The following PKHD1 variants were observed in gnomAD, a reference collection of about 807,000 sequenced individuals.
PKHD1 encodes PKHD1 ciliary IPT domain containing fibrocystin/polyductin.
Under a neutral mutation model 412.0 loss-of-function variants are expected in PKHD1, and 291 were observed. The ratio of observed to expected loss-of-function variants is 0.71; its 90% CI spans 0.64 to 0.78. PKHD1 has a LOEUF of 0.78. PKHD1 is among the 30% of genes least tolerant of loss of function. The pLI, the probability that PKHD1 is intolerant of heterozygous loss-of-function variation, is 0.00. For missense variants in PKHD1, 4,825 were observed against 4,950.7 expected (o/e 0.97, Z 0.76); for synonymous variants, 1,777 against 1,821.5 (o/e 0.98, Z 0.62).
At chr6:51,969,749 A>G (rs1793380867) in intron 35 of PKHD1, among the ~76,000 whole-genome samples, 1 of 152,152 alleles carries the variant, frequency 6.6e-6, no homozygotes, top group Admixed American at 6.5e-5. Flanking sequence ...TAGAATTCCA[A>G]TGTATGTGTG....
intron 60 of PKHD1, among the ~76,000 whole-genome samples, chr6:51,671,568 C>T (rs1342361490): frequency 7.3e-4 from 111 of 152,308 alleles, no homozygotes; most frequent in Admixed American, 6.9e-3. Flanking sequence ...ATTCTCCGTC[C>T]AGCTTTGTTC....
intron 35 of PKHD1, among the ~76,000 whole-genome samples, chr6:51,974,634 C>G (rs752494964): frequency 3.3e-5 from 5 of 152,082 alleles, no homozygotes; most frequent in Non-Finnish European, 7.3e-5. Context: ...TGTTCTCACT[C>G]ATATGTAGGA....
chr6:51,775,086 A>T (rs1790783111), intron 54 of PKHD1, among the ~76,000 whole-genome samples: 1 of 149,136 alleles, frequency 6.7e-6, no homozygotes, highest in Non-Finnish European at 1.5e-5. Context: ...AATAACATTT[A>T]AGCTGTGTGA....
chr6:51,642,091 G>A (rs1391775171), intron 63 of PKHD1, among the ~76,000 whole-genome samples: 2 of 152,118 alleles, frequency 1.3e-5, no homozygotes, highest in African/African-American at 2.4e-5. Context: ...ATGGTTTCAT[G>A]CCTCATTCAC....
chr6:52,046,040 C>T lies in PKHD1; in HGVS notation c.2556G>A (p.Trp852Ter). The T allele has an allele frequency of 6.2e-7, 1 of 1,613,668 alleles. No individual in the cohort carries two copies. The highest frequency in any genetic ancestry group is 1.1e-5 in the South Asian group (1 of 91,062). Residue 852 changes from tryptophan to a stop codon, truncating the protein, a stop_gained, in exon 24 of 67, where the codon TGG becomes TGA. Transcript: ENST00000371117. LOFTEE classifies it high-confidence loss of function. ...TGGGCAAATCCCCAATCTGAGTGGA[C>T]CAGGACAAGGTCCACACGTGTTCGT... ...TCYEHVWTLS[W>*]STQIGDLPNF...
chr6:51,777,893 A>C (rs762948970), intron 53 of PKHD1, among the ~76,000 whole-genome samples: 2 of 152,126 alleles, frequency 1.3e-5, no homozygotes, highest in Non-Finnish European at 2.9e-5. Flanking sequence ...GGGCAAAATT[A>C]GTTAGCCTGC....
intron 18 of PKHD1, 59 bp from the exon 19 acceptor site, chr6:52,055,788 TC>T: frequency 6.4e-7 from 1 of 1,564,164 alleles, no homozygotes. Flanking sequence ...AGACAGAGCT[TC>T]CCTACATGTG....
At chr6:51,657,514 T>G (rs1196468248) in intron 61 of PKHD1, among the ~76,000 whole-genome samples, 1 of 152,062 alleles carries the variant, frequency 6.6e-6, no homozygotes, top group African/African-American at 2.4e-5. Context: ...GAGAGAGAGA[T>G]AGGCGGATAG....
intron 47 of PKHD1, 113 bp from the exon 48 acceptor site, chr6:51,868,222 C>A: frequency 2.0e-6 from 2 of 989,252 alleles, no homozygotes; most frequent in Non-Finnish European, 3.1e-6. Flanking sequence ...TTACAATTCA[C>A]CTATTCATGC....
intron 60 of PKHD1, among the ~76,000 whole-genome samples, chr6:51,697,149 C>T (rs1393787789): frequency 1.3e-5 from 2 of 151,486 alleles, no homozygotes; most frequent in Non-Finnish European, 2.9e-5. Context: ...CACTGCACTC[C>T]AGCCTGGGCA....
At position 51,868,115 on chromosome 6, in the gene PKHD1, A is replaced by G. The variant is rs2151762235; in HGVS notation, c.7487-6T>C. The G allele has an allele frequency of 6.2e-7, 1 of 1,609,738 alleles. No individual in the cohort carries two copies. The highest frequency in any genetic ancestry group is 1.1e-5 in the South Asian group (1 of 90,942). On this transcript the variant is annotated splice_region_variant and splice_polypyrimidine_tract_variant and intron_variant, in intron 47 of 66. Coordinates refer to ENST00000371117, the MANE Select transcript of PKHD1 (RefSeq NM_138694.4). Reference sequence around the variant, plus strand: ...GGTCTTCACAGTAAATCCACCTATAAATTGGAAAACAGAAAGATTATTACA... The same window carrying G: ...GGTCTTCACAGTAAATCCACCTATAGATTGGAAAACAGAAAGATTATTACA...
At chr6:51,622,047 TG>T (rs1766689923) in intron 66 of PKHD1, 1 of 152,194 alleles carries the variant, frequency 6.6e-6, no homozygotes, top group African/African-American at 2.4e-5. Context: ...AGAATCCCAC[TG>T]GTGGATTTGA....
intron 52 of PKHD1, among the ~76,000 whole-genome samples, chr6:51,791,679 C>T (rs1162566242): frequency 6.6e-6 from 1 of 152,196 alleles, no homozygotes; most frequent in Non-Finnish European, 1.5e-5. Flanking sequence ...GCTCCCTACC[C>T]TTTGTCCTGT....
intron 11 of PKHD1, 76 bp downstream of exon 11, chr6:52,069,381 G>T: frequency 1.9e-6 from 2 of 1,044,204 alleles, no homozygotes; most frequent in South Asian, 1.3e-5. Context: ...TCAAGAAATG[G>T]CCAAAAGATA....
At chr6:51,860,257 A>G (rs566946717) in intron 48 of PKHD1, among the ~76,000 whole-genome samples, 21 of 152,340 alleles carry the variant, frequency 1.4e-4, no homozygotes, top group African/African-American at 4.6e-4. Flanking sequence ...CCCATCTCCC[A>G]TCAGGCAAGA....
intron 46 of PKHD1, among the ~76,000 whole-genome samples, chr6:51,873,173 A>G (rs866805959): frequency 6.6e-6 from 1 of 151,198 alleles, no homozygotes; most frequent in East Asian, 2.0e-4. Context: ...ACAGAAATGC[A>G]TGCACATGAA....
chr6:51,894,611 CA>C (rs1175076588), intron 43 of PKHD1, among the ~76,000 whole-genome samples: 1 of 152,184 alleles, frequency 6.6e-6, no homozygotes, highest in Non-Finnish European at 1.5e-5. Flanking sequence ...TATAAAACCA[CA>C]AACCATTGCA....
At chr6:51,960,870 T>G (rs1459361483) in intron 35 of PKHD1, among the ~76,000 whole-genome samples, 1 of 152,124 alleles carries the variant, frequency 6.6e-6, no homozygotes, top group East Asian at 1.9e-4. Flanking sequence ...ATACGTTTTT[T>G]AAAACAGGGA....
chr6:51,903,506 C>T, intron 43 of PKHD1, 91 bp downstream of exon 43: 4 of 1,084,844 alleles, frequency 3.7e-6, no homozygotes, highest in South Asian at 2.5e-5. Flanking sequence ...CCAATGTGGC[C>T]CAGGGAAGCC....
Sources: gnomAD v4.1 joint callset for allele counts (sites outside exome capture counted in the v4.1 genomes callset) on GRCh38, gnomAD v4.1.1 for gene constraint, MANE v1.5 for transcripts, NCBI Gene and HGNC (gene_info 2026-07-23, HGNC 2026-07-21) for gene names.